The following ABCA3 variants were observed in gnomAD, a reference collection of about 807,000 sequenced individuals.
The protein encoded by ABCA3 is phospholipid-transporting ATPase ABCA3.
Under a neutral mutation model 172.8 loss-of-function variants are expected in ABCA3, and 88 were observed. That is an observed-to-expected ratio of 0.51 (90% CI 0.43 to 0.61). The LOEUF (loss-of-function observed/expected upper bound fraction) is 0.61, where lower values mean the gene tolerates loss of function less well. Ranked by LOEUF, ABCA3 falls within the 20% of genes least tolerant of loss-of-function variation. ABCA3 has a pLI of 0.00. For synonymous variants in ABCA3, 1,066 were observed against 983.8 expected (o/e 1.08, Z -1.56); for missense variants, 2,164 against 2,301.0 (o/e 0.94, Z 1.22).
chr16:2,325,948 T>C, intron 5 of ABCA3, 62 bp downstream of exon 5: 1 of 1,606,340 alleles, frequency 6.2e-7, no homozygotes, highest in South Asian at 1.1e-5. Context: ...GCTCGACCCC[T>C]GCCTGCCCAG....
At position 2,284,224 on chromosome 16, in the gene ABCA3, G is replaced by A; in HGVS notation, c.3862+55C>T. On this transcript the variant is annotated intron_variant, in intron 25 of 32. Coordinates refer to ENST00000301732, the MANE Select transcript of ABCA3 (RefSeq NM_001089.3). This position sits in a 1 kb window ranked among gnomAD's most constrained non-coding sequence, Gnocchi z 5.9. ...CTGCCCTAGGAGGCCCCTCTGCAGT[G>A]ACCACGTCCTGAGGACGCAGGGGTG... The A allele has an allele frequency of 6.3e-7, 1 of 1,581,152 alleles. No individual in the cohort carries two copies. Among genetic ancestry groups the A allele is most frequent in the Non-Finnish European group, 8.6e-7 (1 of 1,162,732 alleles).
At chr16:2,293,462 C>G (rs1425092255) in intron 18 of ABCA3, among the ~76,000 whole-genome samples, 1 of 149,590 alleles carries the variant, frequency 6.7e-6, no homozygotes, top group Non-Finnish European at 1.5e-5. Flanking sequence ...GCCTTGACCT[C>G]CCGGGCTCAA....
rs2141697666 is a variant in ABCA3 at position 2,287,939 on chromosome 16, T to C, written c.3004+87A>G. The C allele has an allele frequency of 1.3e-6, 2 of 1,526,254 alleles. No individual in the cohort carries two copies. Among genetic ancestry groups the C allele is most frequent in the South Asian group, 1.2e-5 (1 of 86,568 alleles). 94.5% of individuals were successfully genotyped at this position (1,526,254 alleles called of 1,614,324 possible). A position where few individuals can be genotyped will look rare whatever the true frequency, so the allele number is the denominator to read the frequency against. On this transcript the variant is annotated intron_variant, in intron 21 of 32. Transcript: ENST00000301732. This position sits in a 1 kb window ranked among gnomAD's most constrained non-coding sequence, Gnocchi z 4.1. ...ACAGCCAAGAACCATCCTCCCCAGA[T>C]GTCGACCCTGCTGCAGTCAGGAAGG...
At chr16:2,289,841 G>T (rs2141699781) in intron 19 of ABCA3, among the ~76,000 whole-genome samples, 2 of 152,290 alleles carry the variant, frequency 1.3e-5, no homozygotes. Flanking sequence ...TGGCCAGGCT[G>T]ATCTGGAACT....
chr16:2,319,451 C>G (rs1182223828), intron 8 of ABCA3, 130 bp downstream of exon 8: 1 of 1,318,090 alleles, frequency 7.6e-7, no homozygotes, highest in Non-Finnish European at 1.0e-6. Flanking sequence ...CACCACTGCA[C>G]TCCAGCCTGG....
chr16:2,338,028 C>T (rs1215112901), intron 1 of ABCA3, among the ~76,000 whole-genome samples: 1 of 152,162 alleles, frequency 6.6e-6, no homozygotes, highest in Non-Finnish European at 1.5e-5. Context: ...TAACCCTTGC[C>T]GTGGCTTCAG....
intron 26 of ABCA3, among the ~76,000 whole-genome samples, chr16:2,282,472 G>C (rs1168108361): frequency 6.6e-6 from 1 of 152,186 alleles, no homozygotes; most frequent in Non-Finnish European, 1.5e-5. Context: ...ATTCCCCCTC[G>C]GCTAAGCTGT....
chr16:2,333,353 G>A (rs1435764099), intron 1 of ABCA3, among the ~76,000 whole-genome samples: 1 of 152,208 alleles, frequency 6.6e-6, no homozygotes. Flanking sequence ...AGCCACAGGT[G>A]AACCGCCCCA....
chr16:2,303,359 T>A (rs1352126233), intron 12 of ABCA3, among the ~76,000 whole-genome samples: 22 of 151,512 alleles, frequency 1.5e-4, no homozygotes, highest in Admixed American at 1.4e-3. Flanking sequence ...CCTCCCAGGT[T>A]CATGCCATTC....
chr16:2,280,173 T>C (rs2093652872), intron 28 of ABCA3, among the ~76,000 whole-genome samples: 6 of 152,258 alleles, frequency 3.9e-5, no homozygotes, highest in Middle Eastern at 3.2e-3. Flanking sequence ...CTTCTCACCC[T>C]CTCCTCCATT....
chr16:2,330,564 C>G (rs2093741494), intron 1 of ABCA3, among the ~76,000 whole-genome samples: 1 of 151,914 alleles, frequency 6.6e-6, no homozygotes, highest in Non-Finnish European at 1.5e-5. Context: ...AAGTGATCCG[C>G]CGACCTTGGC....
chr16:2,307,075 C>T (rs1193917258), intron 11 of ABCA3, among the ~76,000 whole-genome samples: 1 of 150,798 alleles, frequency 6.6e-6, no homozygotes, highest in East Asian at 1.9e-4. Flanking sequence ...GTGATGATGC[C>T]ATTGCACTCC....
chr16:2,336,901 CCT>C (rs1567358805), intron 1 of ABCA3, among the ~76,000 whole-genome samples: 1 of 151,414 alleles, frequency 6.6e-6, no homozygotes, highest in Non-Finnish European at 1.5e-5. Context: ...GTTTATTTCA[CCT>C]CTCATCCTTT....
chr16:2,308,797 C>T (rs552667268), intron 10 of ABCA3, among the ~76,000 whole-genome samples, 174 bp from the exon 11 acceptor site: 8 of 152,244 alleles, frequency 5.3e-5, no homozygotes, highest in Admixed American at 4.6e-4. Flanking sequence ...CAGGTGTGGC[C>T]GGCAGCCCCT....
chr16:2,285,901 T>C lies in ABCA3; in HGVS notation c.3279-255A>G, dbSNP rs45536034. Among the ~76,000 whole-genome samples the C allele has an allele frequency of 0.012, 1,867 of 152,210 alleles. 10 individuals carry two copies. The highest frequency in any genetic ancestry group is 0.019 in the Non-Finnish European group (1,289 of 68,014). On this transcript the variant is annotated intron_variant, in intron 22 of 32. Coordinates refer to ENST00000301732, the MANE Select transcript of ABCA3 (RefSeq NM_001089.3). This position sits in a 1 kb window ranked among gnomAD's most constrained non-coding sequence, Gnocchi z 4.7. ...TCCCTCATCACCCCGCTCCCAGCCCTCAGCCCCACGGCTGCCGGCGACCTT... is the reference window on the plus strand; with the variant it reads ...TCCCTCATCACCCCGCTCCCAGCCCCCAGCCCCACGGCTGCCGGCGACCTT...
chr16:2,331,267 C>T (rs1035841513), intron 1 of ABCA3, among the ~76,000 whole-genome samples: 3 of 152,016 alleles, frequency 2.0e-5, no homozygotes, highest in Admixed American at 6.6e-5. Flanking sequence ...AGGCTGGGCA[C>T]GATCTCGGCT....
rs754114141 is a variant in ABCA3 at position 2,283,367 on chromosome 16, C to T, written c.3863-9G>A. The T allele has an allele frequency of 1.2e-5, 20 of 1,611,582 alleles. No homozygotes were observed. The highest frequency in any genetic ancestry group is 2.2e-5 in the East Asian group (1 of 44,864). On this transcript the variant is annotated splice_polypyrimidine_tract_variant and intron_variant, in intron 25 of 32. Transcript: ENST00000301732. This position sits in a 1 kb window ranked among gnomAD's most constrained non-coding sequence, Gnocchi z 5.4. The stretch of plus-strand genomic sequence containing the variant: ...CTCCTGGTACTGGATGTCTGTGGGG[C>T]GAGGGAGTCACTGTGCCCCGAGGCC...
rs1252333475 is a variant in ABCA3 at position 2,323,546 on chromosome 16, G to A, written c.590C>T (p.Thr197Ile). 3.1e-6 allele frequency: 5 copies of A among 1,614,192 alleles called. No homozygotes were observed. The highest frequency in any genetic ancestry group is 4.5e-5 in the East Asian group (2 of 44,890). Residue 197 changes from threonine (T) to isoleucine (I), a missense_variant, in exon 7 of 33, where the codon ACA becomes ATA. Transcript: ENST00000301732. ...LFPNPGPREP[T>I]SPDGGEPGYI... ...ACCAGGTTCTCCGCCATCAGGGGAT[G>A]TAGGTTCCCTTGGTCCTGGGTTTGG...
Position 2,324,535 on chromosome 16 carries a change from C to T in ABCA3, c.320-4G>A, listed in dbSNP as rs775339831. 1.9e-6 allele frequency: 3 copies of T among 1,608,900 alleles called. No homozygotes were observed. The South Asian group carries it at 3.3e-5, about 18-fold the overall frequency. On this transcript the variant is annotated splice_region_variant and splice_polypyrimidine_tract_variant and intron_variant, in intron 5 of 32. Transcript: ENST00000301732. ...TTCTCGGAGGGAAAGCCGCGCACTG[C>T]AAAGAGAGAGCACGGGAGCTGTGGT...
Sources: allele counts gnomAD v4.1 joint callset (sites outside exome capture counted in the v4.1 genomes callset), GRCh38; gene constraint gnomAD v4.1.1; non-coding constraint Gnocchi (gnomAD v3.1); transcripts MANE v1.5; gene names NCBI Gene and HGNC (gene_info 2026-07-23, HGNC 2026-07-21).